Variants in APP observed in about 807,000 individuals in gnomAD.
APP encodes the protein amyloid beta precursor protein.
APP carries 31 observed loss-of-function variants against 101.4 expected under a neutral mutation model. The observed-to-expected ratio is 0.31, with a 90% CI of 0.23 to 0.41. The LOEUF is 0.41. APP is among the 10% of genes least tolerant of loss of function. The probability of loss-of-function intolerance (pLI) is 1.00; values close to 1 mark genes in which losing one functional copy is unlikely to be tolerated. For missense variants in APP, 839 were observed against 1,003.7 expected (o/e 0.84, Z 2.22); for synonymous variants, 366 against 364.4 (o/e 1.00, Z -0.05).
chr21:25,905,935 A>C (rs17001492), intron 14 of APP, among the ~76,000 whole-genome samples: 19,979 of 104,008 alleles, frequency 0.19, 1,739 homozygotes, highest in African/African-American at 0.33. Flanking sequence ...AATAATGGTC[A>C]TAGGGTAAAT....
intron 5 of APP, among the ~76,000 whole-genome samples, chr21:26,047,551 A>T (rs1248418316): frequency 6.6e-6 from 1 of 152,232 alleles, no homozygotes; most frequent in Non-Finnish European, 1.5e-5. Context: ...CAGGAAAAGA[A>T]GTTAAAAAAT....
chr21:26,139,178 T>C (rs2062987568), intron 1 of APP, among the ~76,000 whole-genome samples: 2 of 151,850 alleles, frequency 1.3e-5, no homozygotes, highest in East Asian at 1.9e-4. Flanking sequence ...AATAAGTAAA[T>C]TGAAAAGTTT....
chr21:26,150,399 GT>G (rs756969449), intron 1 of APP, among the ~76,000 whole-genome samples: 26 of 152,220 alleles, frequency 1.7e-4, no homozygotes, highest in Admixed American at 9.2e-4. Flanking sequence ...TAAAAAGGGG[GT>G]AAAGCTTGTC....
intron 5 of APP, among the ~76,000 whole-genome samples, chr21:26,024,995 C>T (rs1482479734): frequency 6.6e-6 from 1 of 152,208 alleles, no homozygotes; most frequent in East Asian, 1.9e-4. Flanking sequence ...GTTATTGTAA[C>T]ATTTCCACAA....
chr21:26,156,947 C>A (rs1365424465), intron 1 of APP, among the ~76,000 whole-genome samples: 3 of 152,206 alleles, frequency 2.0e-5, no homozygotes, highest in East Asian at 1.9e-4. Context: ...CATAAATTAA[C>A]AACTATTTGA....
Position 25,982,704 on chromosome 21 carries a change from T to C in APP, c.1091-227A>G, listed in dbSNP as rs2070657. 0.24 allele frequency among the ~76,000 whole-genome samples: 36,775 copies of C among 152,126 alleles called. 4,913 individuals are homozygous for C. The highest frequency in any genetic ancestry group is 0.43 in the East Asian group (2,226 of 5,158). On this transcript the variant is annotated intron_variant, in intron 8 of 17. Coordinates refer to ENST00000346798, the MANE Select transcript of APP (RefSeq NM_000484.4). ...AAGTACAGAATGAAGGAAAAATCTTTAAAATGGTCCATTTTGCAATTATAG... is the reference window on the plus strand; with the variant it reads ...AAGTACAGAATGAAGGAAAAATCTTCAAAATGGTCCATTTTGCAATTATAG...
At chr21:25,980,462 T>C (rs1157947845) in intron 9 of APP, among the ~76,000 whole-genome samples, 1 of 152,180 alleles carries the variant, frequency 6.6e-6, no homozygotes, top group Non-Finnish European at 1.5e-5. Flanking sequence ...AAGATCTGAT[T>C]TTCTTGGCAT....
chr21:26,037,410 T>G (rs866634913), intron 5 of APP, among the ~76,000 whole-genome samples: 49 of 152,324 alleles, frequency 3.2e-4, no homozygotes, highest in African/African-American at 1.1e-3. Flanking sequence ...ATGCCTGAGA[T>G]GAATATGCTG....
At chr21:25,947,219 G>A (rs2040861946) in intron 13 of APP, among the ~76,000 whole-genome samples, 1 of 152,132 alleles carries the variant, frequency 6.6e-6, no homozygotes. Flanking sequence ...CCATAATTAA[G>A]CTCCAAAGCA....
In APP at chr21:25,891,885, G is replaced by GA; in HGVS notation, c.2065-18dup. ...AAAGAACACCTTGAAAACAAATTAA[G>GA]AAAAAGAATTTTAATTTCTAAATGC... On this transcript the variant is annotated splice_polypyrimidine_tract_variant and intron_variant, in intron 16 of 17. Transcript: ENST00000346798. 1 of 1,609,294 alleles carries GA rather than the reference G, an allele frequency of 6.2e-7. No homozygotes were observed. The highest frequency in any genetic ancestry group is 1.1e-5 in the South Asian group (1 of 90,652).
intron 15 of APP, among the ~76,000 whole-genome samples, chr21:25,899,212 A>G (rs763986759): frequency 3.3e-5 from 5 of 152,174 alleles, no homozygotes; most frequent in African/African-American, 4.8e-5. Flanking sequence ...CAAAGACCAC[A>G]GGCAATGGTG....
At position 25,881,449 on chromosome 21, in the gene APP, G is replaced by A. The variant is rs2036977170; in HGVS notation, c.*221C>T. The A allele has an allele frequency of 4.9e-6, 3 of 614,696 alleles. No individual in the cohort carries two copies. The highest frequency in any genetic ancestry group is 5.7e-5 in the East Asian group (2 of 35,044). 38.1% of individuals were successfully genotyped at this position (614,696 alleles called of 1,614,324 possible). ...GTACACAAAACCCATTAATAATGTA[G>A]TATAGAGACCAAAATGTAAAGAGAG... On this transcript the variant is annotated 3_prime_UTR_variant, in exon 18 of 18. Transcript: ENST00000346798.
chr21:26,164,280 G>C (rs796825536), intron 1 of APP, among the ~76,000 whole-genome samples: 1 of 152,178 alleles, frequency 6.6e-6, no homozygotes, highest in Non-Finnish European at 1.5e-5. Context: ...ATTTTATTTT[G>C]AAACTGATTT....
intron 2 of APP, among the ~76,000 whole-genome samples, chr21:26,098,246 G>A (rs1183797288): frequency 1.3e-5 from 2 of 150,588 alleles, no homozygotes; most frequent in Non-Finnish European, 3.0e-5. Context: ...AAGTAGTTTT[G>A]TCTACTGAAG....
rs529025636 is a variant in APP at position 26,152,157 on chromosome 21, C to T, written c.57+18407G>A. The stretch of plus-strand genomic sequence containing the variant: ...AAAATTAGCCGGGCGTGGTGGCGGG[C>T]GCCCGTAGTCCCAGCTACTCGGGAG... On this transcript the variant is annotated intron_variant, in intron 1 of 17. Transcript: ENST00000346798. 6.3e-3 allele frequency among the ~76,000 whole-genome samples: 950 copies of T among 151,642 alleles called. 6 individuals are homozygous for T. The highest frequency in any genetic ancestry group is 0.037 in the Middle Eastern group (11 of 294).
chr21:26,008,742 G>A (rs966979806), intron 6 of APP, among the ~76,000 whole-genome samples: 1 of 152,114 alleles, frequency 6.6e-6, no homozygotes, highest in Non-Finnish European at 1.5e-5. Flanking sequence ...AGAGTTTTTC[G>A]GTTTCCTTGG....
chr21:26,044,466 T>C (rs776921724), intron 5 of APP, among the ~76,000 whole-genome samples: 1 of 152,232 alleles, frequency 6.6e-6, no homozygotes, highest in Non-Finnish European at 1.5e-5. Flanking sequence ...CCTTAGGCTA[T>C]GAGCCTTCAC....
In APP at chr21:25,899,992, A is replaced by T. The variant is rs541221625; in HGVS notation, c.1964-2319T>A. On this transcript the variant is annotated intron_variant, in intron 15 of 17. Transcript: ENST00000346798. Reference sequence around the variant, plus strand: ...AACCCTCAACCCCCAACTTCTTGCTACGAGACCCACAGAGTTCTCTATTCT... The same window carrying T: ...AACCCTCAACCCCCAACTTCTTGCTTCGAGACCCACAGAGTTCTCTATTCT... Among the ~76,000 whole-genome samples the T allele has an allele frequency of 2.6e-5, 4 of 152,268 alleles. No homozygotes were observed. In the South Asian group the frequency reaches 8.3e-4, roughly 32 times the overall value.
At chr21:26,038,914 T>C (rs2045250095) in intron 5 of APP, among the ~76,000 whole-genome samples, 1 of 152,224 alleles carries the variant, frequency 6.6e-6, no homozygotes, top group Non-Finnish European at 1.5e-5. Flanking sequence ...TACAGATTAT[T>C]GCAATTTTCC....
Sources: allele counts gnomAD v4.1 joint callset (sites outside exome capture counted in the v4.1 genomes callset), GRCh38; gene constraint gnomAD v4.1.1; transcripts MANE v1.5; gene names NCBI Gene and HGNC (gene_info 2026-07-23, HGNC 2026-07-21).